DTNA: variants seen among roughly 807,000 people sequenced by gnomAD.
DTNA encodes dystrophin-related protein 3.
In DTNA, 43 loss-of-function variants were observed where a neutral mutation model predicts 100.7. The observed-to-expected ratio is 0.43, with a 90% confidence interval of 0.33 to 0.55. The LOEUF (loss-of-function observed/expected upper bound fraction) is 0.55. DTNA is among the 20% of genes least tolerant of loss of function. The pLI is 0.04. For synonymous variants in DTNA, 349 were observed against 347.9 expected (o/e 1.00, Z -0.04); for missense variants, 798 against 953.9 (o/e 0.84, Z 2.15).
intron 1 of DTNA, among the ~76,000 whole-genome samples, chr18:34,524,222 C>T (rs550442871): frequency 6.6e-6 from 1 of 152,138 alleles, no homozygotes; most frequent in South Asian, 2.1e-4. Flanking sequence ...ATAAATAGAA[C>T]TCCATAGTAA....
At chr18:34,868,337 T>C (rs967981942) in intron 17 of DTNA, 7 of 400,276 alleles carry the variant, frequency 1.7e-5, no homozygotes, top group African/African-American at 2.2e-5. Flanking sequence ...CTGTTTCTTA[T>C]ACTGACCTCA....
intron 6 of DTNA, among the ~76,000 whole-genome samples, chr18:34,814,101 G>A (rs2095545242): frequency 6.6e-6 from 1 of 152,058 alleles, no homozygotes; most frequent in Non-Finnish European, 1.5e-5. Flanking sequence ...TTTAACTCTG[G>A]TCTTCTAATT....
chr18:34,831,080 C>T (rs2095997750), intron 11 of DTNA, among the ~76,000 whole-genome samples: 1 of 152,144 alleles, frequency 6.6e-6, no homozygotes. Flanking sequence ...GGCATCATGC[C>T]TCCTTTTTAA....
chr18:34,732,873 C>G (rs1483083696), intron 1 of DTNA, among the ~76,000 whole-genome samples: 1 of 152,098 alleles, frequency 6.6e-6, no homozygotes, highest in African/African-American at 2.4e-5. Flanking sequence ...TATGTCTATG[C>G]CAATTATGCA....
At chr18:34,525,528 A>G (rs75835104) in intron 1 of DTNA, among the ~76,000 whole-genome samples, 29 of 152,150 alleles carry the variant, frequency 1.9e-4, no homozygotes, top group African/African-American at 6.7e-4. Context: ...AAATGTTTAG[A>G]TCTTTGGTTC....
At chr18:34,843,689 G>A (rs1354058401) in intron 13 of DTNA, among the ~76,000 whole-genome samples, 1 of 152,002 alleles carries the variant, frequency 6.6e-6, no homozygotes, top group Non-Finnish European at 1.5e-5. Context: ...TCCAAATATA[G>A]TCACATTCTA....
rs183048294 is a variant in DTNA at position 34,682,190 on chromosome 18, T to C, written c.-1-73786T>C. ...GCCTGGATGTACCACATTTAATTTATCTATTAACCTATTGGAGGACATTTT... is the reference window on the plus strand; with the variant it reads ...GCCTGGATGTACCACATTTAATTTACCTATTAACCTATTGGAGGACATTTT... On this transcript the variant is annotated intron_variant, in intron 1 of 19. Transcript: ENST00000283365. Among the ~76,000 whole-genome samples the C allele has an allele frequency of 2.0e-4, 30 of 152,322 alleles. No homozygotes were observed. In the East Asian group the frequency reaches 3.9e-3, roughly 20 times the overall value.
chr18:34,702,053 A>G (rs2081446374), intron 1 of DTNA, among the ~76,000 whole-genome samples: 2 of 151,586 alleles, frequency 1.3e-5, no homozygotes, highest in Admixed American at 6.6e-5. Flanking sequence ...AATCCCTAAC[A>G]TGGGCTTCAA....
At chr18:34,794,357 ACT>A in intron 4 of DTNA, 107 bp downstream of exon 4, 2 of 1,159,756 alleles carry the variant, frequency 1.7e-6, no homozygotes, top group Non-Finnish European at 1.2e-6. Context: ...TTTTTTTTTT[ACT>A]CTCTTTTTTC....
At chr18:34,592,729 C>T (rs981046104) in intron 1 of DTNA, among the ~76,000 whole-genome samples, 6 of 152,026 alleles carry the variant, frequency 3.9e-5, no homozygotes, top group African/African-American at 1.4e-4. Flanking sequence ...TCTAACGGAT[C>T]CCAACTCATT....
upstream of DTNA, chr18:34,709,290 T>A (rs1466068472): frequency 6.6e-6 from 1 of 152,138 alleles, no homozygotes; most frequent in East Asian, 1.9e-4. Flanking sequence ...AACAAATTAT[T>A]GTGAAATGTA....
intron 1 of DTNA, among the ~76,000 whole-genome samples, chr18:34,516,066 T>C (rs946867879): frequency 6.6e-5 from 10 of 152,128 alleles, no homozygotes; most frequent in African/African-American, 2.4e-4. Context: ...TCTCAGCTAT[T>C]GGGGGAACCA....
rs185801837 is a variant in DTNA at position 34,867,853 on chromosome 18, A to G, written c.1743+3791A>G. 4,750 of 985,514 alleles carry G rather than the reference A, an allele frequency of 4.8e-3. 21 individuals are homozygous for G. Among genetic ancestry groups the G allele is most frequent in the Non-Finnish European group, 5.4e-3 (4,457 of 830,018 alleles). 61.0% of individuals were successfully genotyped at this position (985,514 alleles called of 1,614,324 possible). Reference sequence around the variant, plus strand: ...CACCAAGCCCCTCAGCAGCTTCTGCATCTCAGGGGGCCAACAGCGGGTACT... The same window carrying G: ...CACCAAGCCCCTCAGCAGCTTCTGCGTCTCAGGGGGCCAACAGCGGGTACT... On this transcript the variant is annotated intron_variant, in intron 17 of 22. Coordinates refer to ENST00000444659, the MANE Select transcript of DTNA (RefSeq NM_001386795.1).
chr18:34,599,868 A>G (rs1009797564), intron 1 of DTNA, among the ~76,000 whole-genome samples: 2 of 152,108 alleles, frequency 1.3e-5, no homozygotes, highest in Non-Finnish European at 2.9e-5. Flanking sequence ...TAGTAGAGAC[A>G]GGCTTTCATC....
chr18:34,866,227 C>T (rs752034986), intron 17 of DTNA: 8 of 1,611,712 alleles, frequency 5.0e-6, no homozygotes, highest in Non-Finnish European at 5.9e-6. Flanking sequence ...TATGTTCATG[C>T]TTCAGTTTGG....
chr18:34,557,119 C>A (rs2046143331), intron 1 of DTNA, among the ~76,000 whole-genome samples: 1 of 150,558 alleles, frequency 6.6e-6, no homozygotes, highest in African/African-American at 2.5e-5. Context: ...TCATTCATTT[C>A]ATCTTCCATT....
chr18:34,670,862 G>A (rs951037190), intron 1 of DTNA, among the ~76,000 whole-genome samples: 3 of 152,164 alleles, frequency 2.0e-5, no homozygotes, highest in East Asian at 3.9e-4. Flanking sequence ...TAGGCTACTC[G>A]GGGGTCAGGG....
Position 34,665,298 on chromosome 18 carries a change from G to A in DTNA, c.-1-90678G>A, listed in dbSNP as rs570080137. Among the ~76,000 whole-genome samples, 467 of 152,098 alleles carry A rather than the reference G, an allele frequency of 3.1e-3. 2 individuals are homozygous for A. The highest frequency in any genetic ancestry group is 0.011 in the African/African-American group (441 of 41,506). On this transcript the variant is annotated intron_variant, in intron 1 of 19. Coordinates refer to the DTNA transcript ENST00000283365. ...AACAACAACAAAATATTAAGAATCT[G>A]ATTTTCATGCTAAGAATTTGTCAAT...
intron 11 of DTNA, among the ~76,000 whole-genome samples, chr18:34,836,674 A>G (rs1473465961): frequency 6.6e-6 from 1 of 151,566 alleles, no homozygotes; most frequent in Non-Finnish European, 1.5e-5. Flanking sequence ...AAAAAGGTCA[A>G]TTTTGTTGGG....
Sources: gnomAD v4.1 joint callset for allele counts (sites outside exome capture counted in the v4.1 genomes callset) on GRCh38, gnomAD v4.1.1 for gene constraint, MANE v1.5 for transcripts, NCBI Gene and HGNC (gene_info 2026-07-23, HGNC 2026-07-21) for gene names.